MALRD1: variants seen among roughly 807,000 people sequenced by gnomAD.
MALRD1 encodes MAM and LDL-receptor class A domain-containing protein 1.
MALRD1 carries 247 observed loss-of-function variants against 242.1 expected under a neutral mutation model. The ratio of observed to expected loss-of-function variants is 1.02; its 90% confidence interval spans 0.92 to 1.13. The LOEUF (loss-of-function observed/expected upper bound fraction) is 1.13, where lower values mean the gene tolerates loss of function less well. MALRD1 is among the 50% of genes most tolerant of loss of function. MALRD1 has a pLI of 0.00. For synonymous variants in MALRD1, 995 were observed against 866.6 expected (o/e 1.15, Z -2.60); for missense variants, 2,989 against 2,533.1 (o/e 1.18, Z -3.86).
intron 38 of MALRD1, among the ~76,000 whole-genome samples, chr10:19,694,415 T>G (rs1038092171): frequency 4.1e-4 from 62 of 152,270 alleles, no homozygotes; most frequent in African/African-American, 1.4e-3. Flanking sequence ...GGGCGAAGGA[T>G]ATGAACAGAC....
In MALRD1 at chr10:19,324,013, G is replaced by A; in HGVS notation, c.3484G>A (p.Asp1162Asn). The change falls in exon 22 of 40, where the codon GAC (aspartate) becomes AAC (asparagine). Residue 1162 changes from aspartate (D) to asparagine (N), a missense_variant. Coordinates refer to ENST00000454679, the MANE Select transcript of MALRD1 (RefSeq NM_001142308.3). ...TAATGGGAAATTTGGTGACACGGCTGACATTCTCACTCCTATCATTTCACT... is the reference window on the plus strand; with the variant it reads ...TAATGGGAAATTTGGTGACACGGCTAACATTCTCACTCCTATCATTTCACT... ...SSNGKFGDTADILTPIISLTG... is the reference protein window; with the variant it reads ...SSNGKFGDTANILTPIISLTG... 1 of 1,550,788 alleles carries A rather than the reference G, an allele frequency of 6.4e-7. No homozygotes were observed. The highest frequency in any genetic ancestry group is 8.7e-7 in the Non-Finnish European group (1 of 1,146,904).
chr10:19,328,103 T>TG (rs1191661156), intron 23 of MALRD1, among the ~76,000 whole-genome samples: 1 of 152,114 alleles, frequency 6.6e-6, no homozygotes, highest in African/African-American at 2.4e-5. Flanking sequence ...AAAATATTTT[T>TG]GGGGGGCACA....
intron 11 of MALRD1, among the ~76,000 whole-genome samples, chr10:19,147,333 T>C (rs999139450): frequency 6.6e-6 from 1 of 152,188 alleles, no homozygotes; most frequent in Non-Finnish European, 1.5e-5. Flanking sequence ...GTGAGAGTGC[T>C]AGGGGATGGG....
intron 4 of MALRD1, among the ~76,000 whole-genome samples, chr10:19,100,816 A>G (rs931714681): frequency 6.6e-6 from 1 of 151,824 alleles, no homozygotes; most frequent in African/African-American, 2.4e-5. Context: ...GAGTGTGGAG[A>G]AAAAAAACCA....
chr10:19,612,351 G>A (rs895542151), intron 35 of MALRD1, among the ~76,000 whole-genome samples: 1 of 151,840 alleles, frequency 6.6e-6, no homozygotes, highest in Non-Finnish European at 1.5e-5. Context: ...TTACTCCCCT[G>A]TTTTATGTAA....
chr10:19,075,312 T>C (rs1426603446), intron 2 of MALRD1, among the ~76,000 whole-genome samples: 1 of 152,060 alleles, frequency 6.6e-6, no homozygotes, highest in African/African-American at 2.4e-5. Flanking sequence ...AGAGATTTTG[T>C]AAATGGGTTA....
intron 31 of MALRD1, among the ~76,000 whole-genome samples, chr10:19,530,080 A>G (rs1008316381): frequency 1.3e-5 from 2 of 151,712 alleles, no homozygotes; most frequent in South Asian, 2.1e-4. Context: ...AAGACTCAGA[A>G]TAGCCAAAAC....
At chr10:19,329,992 A>C (rs972942992) in intron 23 of MALRD1, among the ~76,000 whole-genome samples, 6 of 152,154 alleles carry the variant, frequency 3.9e-5, no homozygotes, top group African/African-American at 1.4e-4. Flanking sequence ...ATTGCAGCAT[A>C]TGTTGAAATT....
chr10:19,364,468 T>G (rs1845028525), intron 26 of MALRD1, among the ~76,000 whole-genome samples: 1 of 152,148 alleles, frequency 6.6e-6, no homozygotes, highest in African/African-American at 2.4e-5. Flanking sequence ...TATATGTGTT[T>G]GTGTTTCTGA....
chr10:19,656,232 T>C (rs1470196216), intron 36 of MALRD1, among the ~76,000 whole-genome samples: 1 of 152,112 alleles, frequency 6.6e-6, no homozygotes, highest in Non-Finnish European at 1.5e-5. Flanking sequence ...ACTTGAGGTG[T>C]TTAGAGACTC....
chr10:19,114,797 G>A (rs145142281), intron 5 of MALRD1, among the ~76,000 whole-genome samples: 1 of 152,116 alleles, frequency 6.6e-6, no homozygotes, highest in African/African-American at 2.4e-5. Flanking sequence ...GATTATTGAG[G>A]CCAGACATCC....
chr10:19,235,318 T>C (rs1038961870), intron 18 of MALRD1, among the ~76,000 whole-genome samples: 3 of 152,104 alleles, frequency 2.0e-5, no homozygotes, highest in African/African-American at 7.2e-5. Flanking sequence ...TTCCAACCGG[T>C]ATGAAATGGT....
At chr10:19,374,217 AC>A (rs1181854149) in intron 26 of MALRD1, among the ~76,000 whole-genome samples, 1 of 152,236 alleles carries the variant, frequency 6.6e-6, no homozygotes, top group Non-Finnish European at 1.5e-5. Flanking sequence ...ACAATGAAGT[AC>A]TAATGTAGAA....
chr10:19,101,476 C>G (rs1252458835), intron 4 of MALRD1, among the ~76,000 whole-genome samples: 2 of 134,652 alleles, frequency 1.5e-5, no homozygotes, highest in African/African-American at 2.7e-5. Context: ...ATAATTAATA[C>G]TTGTATATTA....
chr10:19,159,848 T>A (rs796084851), intron 12 of MALRD1, among the ~76,000 whole-genome samples: 12 of 152,240 alleles, frequency 7.9e-5, no homozygotes, highest in African/African-American at 2.9e-4. Flanking sequence ...AATCACCAGA[T>A]GTTATTTCCT....
At position 19,350,271 on chromosome 10, in the gene MALRD1, C is replaced by CTT. The variant is rs202204577; in HGVS notation, c.4150-1719_4150-1718dup. On this transcript the variant is annotated intron_variant, in intron 25 of 39. Transcript: ENST00000454679. ...GACCTTAATGATTTTTTCTTTTTTT[C>CTT]TTTTTTTTTTTTTTTTTGAGATGGA... Among the ~76,000 whole-genome samples the CTT allele has an allele frequency of 5.2e-3, 614 of 118,482 alleles. 10 individuals carry two copies. The highest frequency in any genetic ancestry group is 0.027 in the East Asian group (112 of 4,084). The allele number at this position is 118,482 out of a possible 152,430, so 77.7% of individuals were successfully genotyped here.
intron 36 of MALRD1, among the ~76,000 whole-genome samples, chr10:19,622,765 C>CT: frequency 6.6e-6 from 1 of 151,630 alleles, no homozygotes; most frequent in East Asian, 1.9e-4. Flanking sequence ...TAGAATAAAG[C>CT]TCTTATTATT....
rs540195234 is a variant in MALRD1, at chr10:19,315,699, A to G, written c.3420-8250A>G. On this transcript the variant is annotated intron_variant, in intron 21 of 39. Transcript: ENST00000454679. ...TATATATTATATATAATTATATATAATACATATTTAATTATATATTGCATA... is the reference window on the plus strand; with the variant it reads ...TATATATTATATATAATTATATATAGTACATATTTAATTATATATTGCATA... Among the ~76,000 whole-genome samples, 4 of 134,258 alleles carry G rather than the reference A, an allele frequency of 3.0e-5. No individual in the cohort carries two copies. In the South Asian group the frequency reaches 8.8e-4, roughly 30 times the overall value. The allele number at this position is 134,258 out of a possible 152,430, so 88.1% of individuals were successfully genotyped here.
At chr10:19,713,886 A>G (rs1032506946) in intron 38 of MALRD1, among the ~76,000 whole-genome samples, 1 of 152,300 alleles carries the variant, frequency 6.6e-6, no homozygotes, top group African/African-American at 2.4e-5. Context: ...TGAAATGGGA[A>G]AAGTCCCTTT....
Sources: gnomAD v4.1 joint callset for allele counts (sites outside exome capture counted in the v4.1 genomes callset) on GRCh38, gnomAD v4.1.1 for gene constraint, MANE v1.5 for transcripts, NCBI Gene and HGNC (gene_info 2026-07-23, HGNC 2026-07-21) for gene names.